Variants in SERBP1 observed in about 807,000 individuals in gnomAD.
The protein encoded by SERBP1 is SERPINE1 mRNA-binding protein 1.
In SERBP1, 6 loss-of-function variants were observed where a neutral mutation model predicts 50.2. The ratio of observed to expected loss-of-function variants is 0.12; its 90% confidence interval spans 0.07 to 0.24. The LOEUF is 0.24. Among genes scored for constraint, SERBP1 ranks in the 10% least tolerant of loss-of-function variants. The pLI is 1.00. For synonymous variants in SERBP1, 168 were observed against 182.8 expected, an observed-to-expected ratio of 0.92 and a Z score of 0.65; for missense variants, 346 against 524.9, an observed-to-expected ratio of 0.66 and a Z score of 3.33.
At chr1:67,414,379 T>C (rs188030704) in intron 7 of SERBP1, among the ~76,000 whole-genome samples, 2 of 151,056 alleles carry the variant, frequency 1.3e-5, no homozygotes, top group Admixed American at 1.3e-4. Flanking sequence ...AAAAAAAAGG[T>C]TGGTCTTAGA....
rs397861816 is a variant in SERBP1 at position 67,417,971 on chromosome 1, GTTTTTTTTTTTTTT to G, written c.951+2024_951+2037del. On this transcript the variant is annotated intron_variant, in intron 6 of 7. Coordinates refer to ENST00000361219, the MANE Select transcript of SERBP1 (RefSeq NM_001018069.2). ...GAAGACATGTGAAAGTTAAAGTGTT[GTTTTTTTTTTTTTT>G]TTTTTTTTTTGAGACAGTCTTGCTC... Among the ~76,000 whole-genome samples, 34 of 76,834 alleles carry G rather than the reference GTTTTTTTTTTTTTT, an allele frequency of 4.4e-4. No homozygotes were observed. The Admixed American group carries it at 6.5e-3, about 15-fold the overall frequency. The allele number at this position is 76,834 out of a possible 152,430, so 50.4% of individuals were successfully genotyped here.
At position 67,410,658 on chromosome 1, in the gene SERBP1, T is replaced by C. The variant is rs893084283; in HGVS notation, c.*2549A>G. ...ATCAAGATAAAAGTTCACTGAAACA[T>C]CAGCTGCCACCATTACTTTAGGAAT... On this transcript the variant is annotated 3_prime_UTR_variant, in exon 8 of 8. Transcript: ENST00000361219. 1.3e-5 allele frequency: 2 copies of C among 152,186 alleles called. No individual in the cohort carries two copies. Among genetic ancestry groups the C allele is most frequent in the Admixed American group, 6.5e-5 (1 of 15,282 alleles). The allele number at this position is 152,186 out of a possible 1,614,324, so 9.4% of individuals were successfully genotyped here. A position where few individuals can be genotyped will look rare whatever the true frequency, so the allele number is the denominator to read the frequency against.
At chr1:67,423,613 AG>A (rs1482926376) in intron 5 of SERBP1, among the ~76,000 whole-genome samples, 62 of 151,778 alleles carry the variant, frequency 4.1e-4, no homozygotes, top group Admixed American at 3.8e-3. Context: ...TCTCAAAAAA[AG>A]AAAAAAAAAA....
chr1:67,421,377 A>C (rs915565914), intron 5 of SERBP1, among the ~76,000 whole-genome samples: 2 of 152,222 alleles, frequency 1.3e-5, no homozygotes, highest in Non-Finnish European at 1.5e-5. Context: ...ACCAAACAGA[A>C]GCTCTGGAAG....
intron 1 of SERBP1, among the ~76,000 whole-genome samples, chr1:67,427,382 A>G (rs138670562): frequency 1.9e-3 from 291 of 152,304 alleles, no homozygotes; most frequent in African/African-American, 6.4e-3. Flanking sequence ...CTAATTCCCA[A>G]TTTCTGACAA....
Position 67,408,610 on chromosome 1 carries a change from A to G in SERBP1, c.*4597T>C, listed in dbSNP as rs1476547528. 1 of 151,882 alleles carries G rather than the reference A, an allele frequency of 6.6e-6. No homozygotes were observed. Among genetic ancestry groups the G allele is most frequent in the Non-Finnish European group, 1.5e-5 (1 of 67,990 alleles). 9.4% of individuals were successfully genotyped at this position (151,882 alleles called of 1,614,324 possible). A position where few individuals can be genotyped will look rare whatever the true frequency, so the allele number is the denominator to read the frequency against. On this transcript the variant is annotated 3_prime_UTR_variant, in exon 8 of 8. Transcript: ENST00000361219. ...AAGATGCAATCTCCAGGAGCCATTA[A>G]TTTCTGCCCCAGCTCAACCTATGGA...
intron 7 of SERBP1, among the ~76,000 whole-genome samples, chr1:67,414,946 C>G (rs926197829): frequency 6.6e-6 from 1 of 152,092 alleles, no homozygotes; most frequent in African/African-American, 2.4e-5. Context: ...ATGACCGGCA[C>G]CTAGAAAGAA....
At chr1:67,421,782 T>C (rs564829472) in intron 5 of SERBP1, among the ~76,000 whole-genome samples, 6 of 152,198 alleles carry the variant, frequency 3.9e-5, no homozygotes, top group African/African-American at 1.4e-4. Context: ...GGTGTAACCA[T>C]GTCTCTACTG....
intron 2 of SERBP1, 41 bp downstream of exon 2, chr1:67,426,094 G>A: frequency 6.4e-7 from 1 of 1,562,636 alleles, no homozygotes; most frequent in Non-Finnish European, 8.7e-7. Context: ...CAGCCTACAT[G>A]TTAGACCAAG....
At chr1:67,415,640 T>C (rs551010252) in intron 6 of SERBP1, among the ~76,000 whole-genome samples, 3 of 152,300 alleles carry the variant, frequency 2.0e-5, no homozygotes, top group Admixed American at 2.0e-4. Flanking sequence ...TACTGAATCA[T>C]AATCTTTAGC....
At chr1:67,424,698 T>C (rs1204902168) in intron 4 of SERBP1, among the ~76,000 whole-genome samples, 190 bp downstream of exon 4, 1 of 151,938 alleles carries the variant, frequency 6.6e-6, no homozygotes, top group Non-Finnish European at 1.5e-5. Flanking sequence ...GTAACAAATA[T>C]ATCGAAATAT....
intron 7 of SERBP1, among the ~76,000 whole-genome samples, chr1:67,414,386 T>C (rs1666937365): frequency 6.6e-6 from 1 of 152,024 alleles, no homozygotes. Flanking sequence ...AGGTTGGTCT[T>C]AGAGGGAGGA....
chr1:67,424,868 A>T lies in SERBP1; in HGVS notation c.695+20T>A. On this transcript the variant is annotated intron_variant, in intron 4 of 7. Transcript: ENST00000361219. Reference sequence around the variant, plus strand: ...ACCTCTAGTTAGGTATAGAATTTTTAAGAAAATCAGAATACCAACGTTAAT... The same window carrying T: ...ACCTCTAGTTAGGTATAGAATTTTTTAGAAAATCAGAATACCAACGTTAAT... The T allele has an allele frequency of 6.3e-7, 1 of 1,597,630 alleles. No homozygotes were observed. Among genetic ancestry groups the T allele is most frequent in the Non-Finnish European group, 8.6e-7 (1 of 1,167,046 alleles).
chr1:67,417,806 C>T (rs1468127542), intron 6 of SERBP1, among the ~76,000 whole-genome samples: 5 of 151,208 alleles, frequency 3.3e-5, no homozygotes, highest in African/African-American at 4.9e-5. Flanking sequence ...CCACTGTGTC[C>T]GACCTTTTTT....
intron 5 of SERBP1, 56 bp from the exon 6 acceptor site, chr1:67,420,242 T>C: frequency 1.5e-6 from 2 of 1,298,644 alleles, no homozygotes; most frequent in Non-Finnish European, 1.1e-6. Flanking sequence ...TACATAAAAG[T>C]ATTTTAAATT....
intron 4 of SERBP1, among the ~76,000 whole-genome samples, chr1:67,424,671 TG>T (rs1007108326): frequency 8.7e-6 from 1 of 114,614 alleles, no homozygotes; most frequent in Non-Finnish European, 2.2e-5. Context: ...CAAATACATA[TG>T]GGGGGGAAAA....
intron 7 of SERBP1, among the ~76,000 whole-genome samples, chr1:67,414,935 C>A (rs756202727): frequency 3.3e-5 from 5 of 152,124 alleles, no homozygotes; most frequent in Non-Finnish European, 4.4e-5. Flanking sequence ...AGCCCAGCAC[C>A]ATGACCGGCA....
chr1:67,415,249 C>T lies in SERBP1; in HGVS notation c.1042G>A (p.Gly348Ser), dbSNP rs1408287468. 1.5e-5 allele frequency: 24 copies of T among 1,613,186 alleles called. No individual in the cohort carries two copies. The highest frequency in any genetic ancestry group is 2.0e-5 in the Non-Finnish European group (24 of 1,179,616). The change falls in exon 7 of 8, where the codon GGC becomes AGC. Residue 348 changes from glycine (G) to serine (S), a missense_variant. By Grantham distance (56) the Gly-to-Ser change is moderately conservative. Coordinates refer to ENST00000361219, the MANE Select transcript of SERBP1 (RefSeq NM_001018069.2). ...SQLEINFGDL[G>S]RPGRGGRGGR... is the part of the protein sequence containing the mutation. ...CCCCTGCCGCCACGTCCTGGGCGGC[C>T]AAGGTCTCCAAAATTGATCTCCAGC... is the stretch of plus-strand genomic sequence containing the variant.
chr1:67,422,999 C>T (rs1427972838), intron 5 of SERBP1, among the ~76,000 whole-genome samples: 1 of 99,636 alleles, frequency 1.0e-5, no homozygotes, highest in East Asian at 3.2e-4. Context: ...CAAAACAAAA[C>T]AAAACACCAT....
Sources: allele counts gnomAD v4.1 joint callset (sites outside exome capture counted in the v4.1 genomes callset), GRCh38; gene constraint gnomAD v4.1.1; transcripts MANE v1.5; gene names NCBI Gene and HGNC (gene_info 2026-07-23, HGNC 2026-07-21).